Variants in MYO3B observed in about 807,000 individuals in gnomAD.
MYO3B encodes the protein myosin-IIIb.
In MYO3B, 156 loss-of-function variants were observed where a neutral mutation model predicts 174.6. The ratio of observed to expected loss-of-function variants is 0.89; its 90% CI spans 0.78 to 1.02. The LOEUF (loss-of-function observed/expected upper bound fraction) is 1.02, where lower values mean the gene tolerates loss of function less well. MYO3B is among the 50% of genes least tolerant of loss of function. The pLI, the probability that MYO3B is intolerant of heterozygous loss-of-function variation, is 0.00. For synonymous variants in MYO3B, 563 were observed against 569.1 expected, an observed-to-expected ratio of 0.99 and a Z score of 0.15; for missense variants, 1,632 against 1,639.4, an observed-to-expected ratio of 1.00 and a Z score of 0.08.
At chr2:170,532,816 C>CAAAA (rs35190722) in intron 30 of MYO3B, among the ~76,000 whole-genome samples, 1 of 85,282 alleles carries the variant, frequency 1.2e-5, no homozygotes. Flanking sequence ...AACTCTGTCT[C>CAAAA]AAAAAAAAAA....
At chr2:170,498,457 AC>A (rs1687019185) in intron 25 of MYO3B, 134 bp from the exon 26 acceptor site, 1 of 605,740 alleles carries the variant, frequency 1.7e-6, no homozygotes, top group African/African-American at 1.9e-5. Context: ...ATCTTTTACT[AC>A]CTACTATGCT....
chr2:170,258,947 A>G (rs1041421837), intron 7 of MYO3B, among the ~76,000 whole-genome samples: 4 of 152,142 alleles, frequency 2.6e-5, no homozygotes, highest in Admixed American at 6.5e-5. Flanking sequence ...AGCCAAATCA[A>G]GAACACTGTC....
intron 8 of MYO3B, chr2:170,340,415 T>G (rs1221039934): frequency 6.6e-6 from 1 of 152,184 alleles, no homozygotes. Flanking sequence ...TTTCTTGAGG[T>G]GGCTGGCTTG....
At chr2:170,558,972 C>T (rs1217120832) in intron 32 of MYO3B, among the ~76,000 whole-genome samples, 1 of 152,162 alleles carries the variant, frequency 6.6e-6, no homozygotes, top group African/African-American at 2.4e-5. Flanking sequence ...AAGCACTCAA[C>T]AAAAATTTGG....
intron 1 of MYO3B, among the ~76,000 whole-genome samples, chr2:170,183,089 C>T (rs1169015424): frequency 6.6e-6 from 1 of 152,004 alleles, no homozygotes; most frequent in African/African-American, 2.4e-5. Context: ...AACCCCGTCT[C>T]TACTAAAATA....
Position 170,653,074 on chromosome 2 carries a change from T to G in MYO3B, c.3979T>G (p.Ser1327Ala). The G allele has an allele frequency of 6.2e-7, 1 of 1,614,164 alleles. No individual in the cohort carries two copies. Among genetic ancestry groups the G allele is most frequent in the Non-Finnish European group, 8.5e-7 (1 of 1,180,040 alleles). Reference sequence around the variant, plus strand: ...TGAGGAGAACAACTCAGCCCACCCTTCCTTTTTTTCTTCATCCTCAAAAGG... The same window carrying G: ...TGAGGAGAACAACTCAGCCCACCCTGCCTTTTTTTCTTCATCCTCAAAAGG... ...IPEENNSAHPSFFSSSSKGDS... is the reference protein window; with the variant it reads ...IPEENNSAHPAFFSSSSKGDS... The change falls in exon 35 of 35, where the codon TCC becomes GCC. Residue 1327 changes from serine to alanine, a missense_variant. Transcript: ENST00000408978.
At chr2:170,616,953 T>C (rs556217909) in intron 32 of MYO3B, among the ~76,000 whole-genome samples, 1 of 152,350 alleles carries the variant, frequency 6.6e-6, no homozygotes, top group Non-Finnish European at 1.5e-5. Flanking sequence ...ATCAGAAGTA[T>C]TCCAATCACA....
chr2:170,413,425 C>T (rs576847010), intron 22 of MYO3B, among the ~76,000 whole-genome samples: 2 of 152,212 alleles, frequency 1.3e-5, no homozygotes, highest in South Asian at 4.2e-4. Context: ...GAAATGATGG[C>T]AGGCTGCTGA....
chr2:170,652,179 A>C, intron 34 of MYO3B, 25 bp downstream of exon 34: 1 of 1,607,464 alleles, frequency 6.2e-7, no homozygotes, highest in Non-Finnish European at 8.5e-7. Context: ...TCTTAGTTCT[A>C]AGCAACTGTA....
chr2:170,279,042 G>C (rs1386384953), intron 7 of MYO3B, among the ~76,000 whole-genome samples: 2 of 151,958 alleles, frequency 1.3e-5, no homozygotes, highest in Non-Finnish European at 2.9e-5. Context: ...TTCATCTGTT[G>C]ACAGACATTG....
intron 7 of MYO3B, among the ~76,000 whole-genome samples, chr2:170,258,837 G>T (rs984134988): frequency 6.6e-6 from 1 of 151,946 alleles, no homozygotes; most frequent in Non-Finnish European, 1.5e-5. Flanking sequence ...CACCTAAAAG[G>T]CTCCTAGAAC....
intron 32 of MYO3B, among the ~76,000 whole-genome samples, chr2:170,590,746 A>T (rs924461870): frequency 6.6e-6 from 1 of 152,156 alleles, no homozygotes; most frequent in Non-Finnish European, 1.5e-5. Context: ...AGAGAAACCC[A>T]AAAGGGGAGA....
intron 25 of MYO3B, among the ~76,000 whole-genome samples, chr2:170,474,627 C>G (rs1195247731): frequency 6.6e-6 from 1 of 150,818 alleles, no homozygotes; most frequent in Non-Finnish European, 1.5e-5. Context: ...CCTGTAATCC[C>G]AGCTACTTGG....
At chr2:170,248,315 G>A (rs903822684) in intron 7 of MYO3B, among the ~76,000 whole-genome samples, 9 of 152,152 alleles carry the variant, frequency 5.9e-5, no homozygotes, top group Non-Finnish European at 1.2e-4. Context: ...GATCCTATCT[G>A]CCTGATAATA....
intron 32 of MYO3B, among the ~76,000 whole-genome samples, chr2:170,582,834 G>A (rs1236636163): frequency 6.6e-6 from 1 of 151,500 alleles, no homozygotes; most frequent in East Asian, 1.9e-4. Flanking sequence ...GAGAAACAAT[G>A]GGATTTTCTC....
chr2:170,559,159 G>C (rs1463262671), intron 32 of MYO3B, among the ~76,000 whole-genome samples: 1 of 152,112 alleles, frequency 6.6e-6, no homozygotes, highest in Non-Finnish European at 1.5e-5. Context: ...GGCCAACCCA[G>C]AGCTAGAACC....
chr2:170,525,198 A>C (rs1402876664), intron 30 of MYO3B, among the ~76,000 whole-genome samples: 2 of 152,200 alleles, frequency 1.3e-5, no homozygotes, highest in Admixed American at 6.5e-5. Flanking sequence ...GCATGATGGG[A>C]CAGAGTTAAC....
chr2:170,388,620 G>T (rs900424281), intron 14 of MYO3B, among the ~76,000 whole-genome samples: 1 of 152,146 alleles, frequency 6.6e-6, no homozygotes, highest in Non-Finnish European at 1.5e-5. Flanking sequence ...AGATGATCAC[G>T]CTAGCTTCAA....
chr2:170,561,283 A>G (rs1450883011), intron 32 of MYO3B, among the ~76,000 whole-genome samples: 1 of 152,228 alleles, frequency 6.6e-6, no homozygotes, highest in Non-Finnish European at 1.5e-5. Flanking sequence ...TATGACCAGA[A>G]GGGACAACCT....
Sources: allele counts gnomAD v4.1 joint callset (sites outside exome capture counted in the v4.1 genomes callset), GRCh38; gene constraint gnomAD v4.1.1; transcripts MANE v1.5; gene names NCBI Gene and HGNC (gene_info 2026-07-23, HGNC 2026-07-21).